The following CKMT2 variants were observed in gnomAD, a reference collection of about 807,000 sequenced individuals.
CKMT2 encodes creatine kinase, mitochondrial 2.
Under a neutral mutation model 48.9 loss-of-function variants are expected in CKMT2, and 43 were observed. The ratio of observed to expected loss-of-function variants is 0.88; its 90% CI spans 0.69 to 1.13. CKMT2 has a LOEUF of 1.13. Ranked by LOEUF, CKMT2 falls within the 50% of genes most tolerant of loss-of-function variation. The pLI, the probability that CKMT2 is intolerant of heterozygous loss-of-function variation, is 0.00. For missense variants in CKMT2, 472 were observed against 555.4 expected, an observed-to-expected ratio of 0.85 and a Z score of 1.51; for synonymous variants, 206 against 213.0, an observed-to-expected ratio of 0.97 and a Z score of 0.29.
intron 8 of CKMT2, 103 bp downstream of exon 8, chr5:81,259,357 TCTC>T (rs1304561578): frequency 1.4e-5 from 14 of 1,027,296 alleles, no homozygotes; most frequent in African/African-American, 3.3e-5. Flanking sequence ...ACCCTTACTT[TCTC>T]TATCTACAAT....
At chr5:81,242,315 G>A in intron 1 of CKMT2, 1 of 343,678 alleles carries the variant, frequency 2.9e-6, no homozygotes. Flanking sequence ...TTTTTTTTGT[G>A]AGACAAAGGT....
intron 5 of CKMT2, 101 bp downstream of exon 5, chr5:81,255,315 G>C: frequency 9.2e-7 from 1 of 1,085,334 alleles, no homozygotes; most frequent in Non-Finnish European, 1.3e-6. Context: ...TACCCTAGCT[G>C]GGAGCTTGCT....
intron 1 of CKMT2, 86 bp from the exon 2 acceptor site, chr5:81,251,027 C>T (rs2112802516): frequency 1.1e-6 from 1 of 936,662 alleles, no homozygotes; most frequent in African/African-American, 1.7e-5. Context: ...GGCTATGGCT[C>T]CTGCAGTTCT....
chr5:81,258,334 C>T (rs549760746), intron 7 of CKMT2, among the ~76,000 whole-genome samples: 2 of 152,298 alleles, frequency 1.3e-5, no homozygotes, highest in African/African-American at 2.4e-5. Context: ...TTCCCCATTC[C>T]ACTGTGGTTT....
intron 1 of CKMT2, among the ~76,000 whole-genome samples, chr5:81,236,858 A>G (rs1310712786): frequency 6.6e-6 from 1 of 152,216 alleles, no homozygotes; most frequent in African/African-American, 2.4e-5. Context: ...AGAAAATACA[A>G]ATTAAAAGAA....
Position 81,255,104 on chromosome 5 carries a change from G to C in CKMT2, c.559G>C (p.Glu187Gln), listed in dbSNP as rs764953104. Reference protein sequence around the residue: ...PPACTRAERREVENVAITALE... With the variant: ...PPACTRAERRQVENVAITALE... ...AGCCTGCACCCGGGCCGAGCGAAGG[G>C]AGGTAGAGAACGTGGCCATCACTGC... Residue 187 changes from glutamate (E) to glutamine (Q), a missense_variant, in exon 5 of 10, where the codon GAG becomes CAG. Glu to Gln is a conservative substitution (Grantham distance 29). Transcript: ENST00000254035. The C allele has an allele frequency of 6.2e-7, 1 of 1,614,008 alleles. No homozygotes were observed. The highest frequency in any genetic ancestry group is 8.5e-7 in the Non-Finnish European group (1 of 1,180,042).
At chr5:81,259,059 T>A (rs993116536) in intron 7 of CKMT2, 61 bp from the exon 8 acceptor site, 21 of 1,529,572 alleles carry the variant, frequency 1.4e-5, no homozygotes, top group Admixed American at 1.7e-5. Flanking sequence ...GTGTTAGGGA[T>A]GTGCTGAATG....
chr5:81,237,338 C>A (rs1046950456), intron 1 of CKMT2, among the ~76,000 whole-genome samples: 10 of 152,094 alleles, frequency 6.6e-5, no homozygotes, highest in African/African-American at 2.2e-4. Context: ...CCTGTCCCGT[C>A]GTCTTCACAA....
At chr5:81,256,373 T>TAAAGGAAATAATCTA (rs1395611981) in intron 5 of CKMT2, among the ~76,000 whole-genome samples, 1 of 152,148 alleles carries the variant, frequency 6.6e-6, no homozygotes, top group Non-Finnish European at 1.5e-5. Flanking sequence ...TTTCATAGAG[T>TAAAGGAAATAATCTA]TGTGAAGATT....
At chr5:81,253,832 A>G (rs1488218113) in intron 3 of CKMT2, among the ~76,000 whole-genome samples, 1 of 152,180 alleles carries the variant, frequency 6.6e-6, no homozygotes, top group Non-Finnish European at 1.5e-5. Flanking sequence ...TGTTTTTAGA[A>G]TAGATTTTGC....
intron 1 of CKMT2, among the ~76,000 whole-genome samples, chr5:81,244,543 C>G (rs1483034408): frequency 6.6e-6 from 1 of 152,218 alleles, no homozygotes; most frequent in Non-Finnish European, 1.5e-5. Context: ...AGGCAACTCT[C>G]TTTTAGGCTC....
At chr5:81,260,661 C>T (rs1389180840) in intron 8 of CKMT2, among the ~76,000 whole-genome samples, 1 of 152,102 alleles carries the variant, frequency 6.6e-6, no homozygotes, top group Admixed American at 6.6e-5. Context: ...CAAGACTAAA[C>T]CAGGAAGAAG....
chr5:81,241,132 A>ATTGTCCC (rs1756420968), intron 1 of CKMT2, among the ~76,000 whole-genome samples: 1 of 152,108 alleles, frequency 6.6e-6, no homozygotes. Context: ...GGACCCAGTG[A>ATTGTCCC]TTGTCCCTTG....
chr5:81,261,955 C>T (rs1277886966), intron 8 of CKMT2, among the ~76,000 whole-genome samples: 1 of 152,164 alleles, frequency 6.6e-6, no homozygotes, highest in Non-Finnish European at 1.5e-5. Flanking sequence ...TACAAGGCTA[C>T]AGTAACTAAA....
At chr5:81,237,040 T>C (rs1375366055) in intron 1 of CKMT2, among the ~76,000 whole-genome samples, 1 of 152,012 alleles carries the variant, frequency 6.6e-6, no homozygotes, top group Non-Finnish European at 1.5e-5. Flanking sequence ...TCCCAGCTAC[T>C]TGGGAGGCTG....
chr5:81,251,900 C>T (rs961198984), intron 2 of CKMT2: 4 of 152,796 alleles, frequency 2.6e-5, no homozygotes, highest in Non-Finnish European at 4.4e-5. Flanking sequence ...TCTTAGGATC[C>T]TTCTGTGATG....
intron 9 of CKMT2, among the ~76,000 whole-genome samples, chr5:81,264,576 T>C (rs1463290864): frequency 2.0e-5 from 3 of 152,206 alleles, no homozygotes. Context: ...CATGTAACTA[T>C]AATACCACAA....
chr5:81,263,614 G>C lies in CKMT2; in HGVS notation c.1138G>C (p.Glu380Gln), dbSNP rs1244479423. Residue 380 changes from glutamate to glutamine, a missense_variant and splice_region_variant, in exon 9 of 10, where the codon GAG becomes CAG. By Grantham distance (29) the Glu-to-Gln change is conservative. Coordinates refer to ENST00000254035, the MANE Select transcript of CKMT2 (RefSeq NM_001099735.2). The stretch of plus-strand genomic sequence containing the variant: ...CAACATAGATAGAATTGGTCGATCA[G>C]AGGTAACGTCTCTCTCACTTTCCTA... ...ISNIDRIGRS[E>Q]VELVQIVIDG... 6.2e-7 allele frequency: 1 copy of C among 1,610,460 alleles called. No homozygotes were observed. The highest frequency in any genetic ancestry group is 2.2e-5 in the East Asian group (1 of 44,748).
Position 81,266,324 on chromosome 5 carries a change from A to G in CKMT2, c.*66A>G. The G allele has an allele frequency of 2.6e-6, 4 of 1,511,246 alleles. No homozygotes were observed. Among genetic ancestry groups the G allele is most frequent in the Admixed American group, 3.6e-5 (2 of 55,798 alleles). The allele number at this position is 1,511,246 out of a possible 1,614,324, so 93.6% of individuals were successfully genotyped here. A position where few individuals can be genotyped will look rare whatever the true frequency, so the allele number is the denominator to read the frequency against. ...ACGACAGACATAAATCTCTACTCTG[A>G]GAGTTTTTATACACTTGGAAAAATA... On this transcript the variant is annotated 3_prime_UTR_variant, in exon 10 of 10. Coordinates refer to ENST00000254035, the MANE Select transcript of CKMT2 (RefSeq NM_001099735.2).
Sources: gnomAD v4.1 joint callset for allele counts (sites outside exome capture counted in the v4.1 genomes callset) on GRCh38, gnomAD v4.1.1 for gene constraint, MANE v1.5 for transcripts, NCBI Gene and HGNC (gene_info 2026-07-23, HGNC 2026-07-21) for gene names.